The following EVX2 variants were observed in gnomAD, a reference collection of about 807,000 sequenced individuals.
The protein encoded by EVX2 is even-skipped homeobox 2.
Under a neutral mutation model 19.2 loss-of-function variants are expected in EVX2, and 10 were observed. The observed-to-expected ratio is 0.52, with a 90% CI of 0.32 to 0.89. EVX2 has a LOEUF of 0.89. Ranked by LOEUF, EVX2 falls within the 40% of genes least tolerant of loss-of-function variation. EVX2 has a pLI of 0.03. For missense variants in EVX2, 710 were observed against 694.9 expected, an observed-to-expected ratio of 1.02 and a Z score of -0.24; for synonymous variants, 354 against 328.4, an observed-to-expected ratio of 1.08 and a Z score of -0.84.
At position 176,080,690 on chromosome 2, in the gene EVX2, G is replaced by T. The variant is rs144229189; in HGVS notation, c.848C>A (p.Pro283Gln). The change falls in exon 3 of 3, where the codon CCG becomes CAG. Residue 283 changes from proline (P) to glutamine (Q), a missense_variant. Physicochemically the swap from Pro to Gln is moderately conservative, Grantham distance 76 (BLOSUM62 -1). Coordinates refer to ENST00000308618, the MANE Select transcript of EVX2 (RefSeq NM_001080458.2). The surrounding 1 kb of genome is among the most constrained non-coding windows in gnomAD (Gnocchi z 7.0). Reference sequence around the variant, plus strand: ...GCCCACGTGCGGGTAGTAGTGCAGCGGCACGTGCGAGTGGAAGGGGTAGGG... The same window carrying T: ...GCCCACGTGCGGGTAGTAGTGCAGCTGCACGTGCGAGTGGAAGGGGTAGGG... Reference protein sequence around the residue: ...SLPYPFHSHVPLHYYPHVGVT... With the variant: ...SLPYPFHSHVQLHYYPHVGVT... 5.7e-5 allele frequency: 92 copies of T among 1,601,970 alleles called. No homozygotes were observed. In the African/African-American group the frequency reaches 8.1e-4, roughly 14 times the overall value.
chr2:176,082,425 G>A lies in EVX2; in HGVS notation c.452C>T (p.Ala151Val). Residue 151 changes from alanine to valine, a missense_variant, in exon 2 of 3, where the codon GCC becomes GTC. Physicochemically the swap from Ala to Val is moderately conservative, Grantham distance 64. Transcript: ENST00000308618. This position sits in a 1 kb window ranked among gnomAD's most constrained non-coding sequence, Gnocchi z 5.2. ...GCCCGACGCCGACGTCGTGGTGCCG[G>A]CAGCCGAGCCGCTCTCTGCGTACCC... ...GKGYAESGSAAGTTTSASGSG... is the reference protein window; with the variant it reads ...GKGYAESGSAVGTTTSASGSG... 6.4e-7 allele frequency: 1 copy of A among 1,565,838 alleles called. No homozygotes were observed. The highest frequency in any genetic ancestry group is 8.6e-7 in the Non-Finnish European group (1 of 1,159,920).
rs1574938108 is a variant in EVX2 at position 176,082,166 on chromosome 2, TG to T, written c.699+11del. 3 of 1,567,860 alleles carry T rather than the reference TG, an allele frequency of 1.9e-6. No individual in the cohort carries two copies. Among genetic ancestry groups the T allele is most frequent in the Non-Finnish European group, 2.6e-6 (3 of 1,157,004 alleles). The stretch of plus-strand genomic sequence containing the variant: ...CGGGGAGGCCAGAGCAGGCATGCAC[TG>T]GAATTGATACCTTGATGGTGGTTTC... On this transcript the variant is annotated intron_variant, in intron 2 of 2. Coordinates refer to ENST00000308618, the MANE Select transcript of EVX2 (RefSeq NM_001080458.2). This position sits in a 1 kb window ranked among gnomAD's most constrained non-coding sequence, Gnocchi z 5.2.
Position 176,083,841 on chromosome 2 carries a change from G to A in EVX2, c.-65C>T, listed in dbSNP as rs928055363. The stretch of plus-strand genomic sequence containing the variant: ...CGTCCTAATGATAGGCTGCGCCTAG[G>A]GCTAATTCTCATTCAGCCCCAGCGA... On this transcript the variant is annotated 5_prime_UTR_variant, in exon 1 of 3. Transcript: ENST00000308618. The surrounding 1 kb of genome is among the most constrained non-coding windows in gnomAD (Gnocchi z 4.4). The A allele has an allele frequency of 2.5e-5, 35 of 1,380,004 alleles. No homozygotes were observed. In the East Asian group the frequency reaches 6.7e-4, roughly 26 times the overall value. 85.5% of individuals were successfully genotyped at this position (1,380,004 alleles called of 1,614,324 possible). A position where few individuals can be genotyped will look rare whatever the true frequency, so the allele number is the denominator to read the frequency against.
chr2:176,082,060 C>G lies in EVX2; in HGVS notation c.699+118G>C, dbSNP rs1332620791. The G allele has an allele frequency of 8.8e-7, 1 of 1,142,520 alleles. No individual in the cohort carries two copies. The highest frequency in any genetic ancestry group is 1.2e-6 in the Non-Finnish European group (1 of 843,192). 70.8% of individuals were successfully genotyped at this position (1,142,520 alleles called of 1,614,324 possible). A position where few individuals can be genotyped will look rare whatever the true frequency, so the allele number is the denominator to read the frequency against. Reference sequence around the variant, plus strand: ...GCCAATTCCTTTGGTGACTACCCCCCGCGGATTTCCAGACCCTTAGCTAAA... The same window carrying G: ...GCCAATTCCTTTGGTGACTACCCCCGGCGGATTTCCAGACCCTTAGCTAAA... On this transcript the variant is annotated intron_variant, in intron 2 of 2. Transcript: ENST00000308618. This position sits in a 1 kb window ranked among gnomAD's most constrained non-coding sequence, Gnocchi z 5.2.
At position 176,083,283 on chromosome 2, in the gene EVX2, G is replaced by T; in HGVS notation, c.427+67C>A. ...GAGAGGGGAAAAGGCACCGGGAAAGGCTGGCGGGGGCCGCGGAGGAGCAAA... is the reference window on the plus strand; with the variant it reads ...GAGAGGGGAAAAGGCACCGGGAAAGTCTGGCGGGGGCCGCGGAGGAGCAAA... On this transcript the variant is annotated intron_variant, in intron 1 of 2. Coordinates refer to ENST00000308618, the MANE Select transcript of EVX2 (RefSeq NM_001080458.2). This position sits in a 1 kb window ranked among gnomAD's most constrained non-coding sequence, Gnocchi z 4.4. 2 of 1,481,506 alleles carry T rather than the reference G, an allele frequency of 1.3e-6. No individual in the cohort carries two copies. Among genetic ancestry groups the T allele is most frequent in the Non-Finnish European group, 1.8e-6 (2 of 1,100,330 alleles). 91.8% of individuals were successfully genotyped at this position (1,481,506 alleles called of 1,614,324 possible). A position where few individuals can be genotyped will look rare whatever the true frequency, so the allele number is the denominator to read the frequency against.
In EVX2 at chr2:176,081,337, G is replaced by A. The variant is rs142837561; in HGVS notation, c.700-499C>T. Among the ~76,000 whole-genome samples, 308 of 152,274 alleles carry A rather than the reference G, an allele frequency of 2.0e-3. No individual in the cohort carries two copies. Among genetic ancestry groups the A allele is most frequent in the Non-Finnish European group, 2.4e-3 (164 of 68,020 alleles). ...CACGGGTCCGATTTTGATATTGAAG[G>A]GATGATTTTGTTGGAATCGTTTGCC... On this transcript the variant is annotated intron_variant, in intron 2 of 2. Coordinates refer to ENST00000308618, the MANE Select transcript of EVX2 (RefSeq NM_001080458.2). The surrounding 1 kb of genome is among the most constrained non-coding windows in gnomAD (Gnocchi z 5.9).
In EVX2 at chr2:176,083,463, T is replaced by C. The variant is rs367856760; in HGVS notation, c.314A>G (p.Tyr105Cys). 5 of 1,614,030 alleles carry C rather than the reference T, an allele frequency of 3.1e-6. No homozygotes were observed. The African/African-American group carries it at 6.7e-5, about 22-fold the overall frequency. Residue 105 changes from tyrosine (Y) to cysteine (C), a missense_variant, in exon 1 of 3, where the codon TAT becomes TGT. Tyr to Cys is a radical substitution (Grantham distance 194). Coordinates refer to ENST00000308618, the MANE Select transcript of EVX2 (RefSeq NM_001080458.2). This position sits in a 1 kb window ranked among gnomAD's most constrained non-coding sequence, Gnocchi z 4.4. ...GTCGGCCTCAGCGGCCGCCTCTGAA[T>C]AATGGCCCGGCTTCTTGCGGCTCTC... Reference protein sequence around the residue: ...AAESRKKPGHYSEAAAEADMS... With the variant: ...AAESRKKPGHCSEAAAEADMS...
chr2:176,080,333 G>A lies in EVX2; in HGVS notation c.1205C>T (p.Ala402Val). Reference protein sequence around the residue: ...CHSSQSAAAAAAAAAAALGSR... With the variant: ...CHSSQSAAAAVAAAAAALGSR... ...ACCCAGGGCTGCGGCAGCTGCTGCC[G>A]CGGCTGCCGCCGCCGACTGACTGCT... is the stretch of plus-strand genomic sequence containing the variant. The change falls in exon 3 of 3, where the codon GCG becomes GTG. Residue 402 changes from alanine to valine, a missense_variant. By Grantham distance (64) the Ala-to-Val change is moderately conservative. Coordinates refer to ENST00000308618, the MANE Select transcript of EVX2 (RefSeq NM_001080458.2). This position sits in a 1 kb window ranked among gnomAD's most constrained non-coding sequence, Gnocchi z 7.0. 7.8e-7 allele frequency: 1 copy of A among 1,278,674 alleles called. No individual in the cohort carries two copies. Among genetic ancestry groups the A allele is most frequent in the South Asian group, 1.9e-5 (1 of 53,010 alleles). The allele number at this position is 1,278,674 out of a possible 1,614,324, so 79.2% of individuals were successfully genotyped here. A position where few individuals can be genotyped will look rare whatever the true frequency, so the allele number is the denominator to read the frequency against.
At position 176,077,601 on chromosome 2, in the gene EVX2, G is replaced by A. The variant is rs375435306; in HGVS notation, c.*2506C>T. 15 of 152,190 alleles carry A rather than the reference G, an allele frequency of 9.9e-5. No homozygotes were observed. The South Asian group carries it at 2.1e-3, about 21-fold the overall frequency. 9.4% of individuals were successfully genotyped at this position (152,190 alleles called of 1,614,324 possible). A position where few individuals can be genotyped will look rare whatever the true frequency, so the allele number is the denominator to read the frequency against. On this transcript the variant is annotated 3_prime_UTR_variant, in exon 3 of 3. Transcript: ENST00000308618. ...ATACATCCAGCAATATTTAAAGCACGAAGACTTTATTTACAATTTTATTTC... is the reference window on the plus strand; with the variant it reads ...ATACATCCAGCAATATTTAAAGCACAAAGACTTTATTTACAATTTTATTTC...
rs868442087 is a variant in EVX2, at chr2:176,080,710, G to T, written c.828C>A (p.Tyr276Ter). The change falls in exon 3 of 3, where the codon TAC becomes TAA. Residue 276 changes from tyrosine (Y) to a stop codon, truncating the protein, a stop_gained. Coordinates refer to ENST00000308618, the MANE Select transcript of EVX2 (RefSeq NM_001080458.2). LOFTEE classifies it low-confidence loss of function (END_TRUNC). This position sits in a 1 kb window ranked among gnomAD's most constrained non-coding sequence, Gnocchi z 7.0. The part of the protein sequence containing the change: ...THAAATGSLP[Y>*]PFHSHVPLHY... ...GCAGCGGCACGTGCGAGTGGAAGGG[G>T]TAGGGCAGGCTTCCGGTGGCGGCCG... The T allele has an allele frequency of 4.4e-6, 7 of 1,606,058 alleles. No individual in the cohort carries two copies. The highest frequency in any genetic ancestry group is 5.9e-6 in the Non-Finnish European group (7 of 1,179,444).
Position 176,083,349 on chromosome 2 carries a change from C to A in EVX2, c.427+1G>T. 1 of 1,581,250 alleles carries A rather than the reference C, an allele frequency of 6.3e-7. No individual in the cohort carries two copies. The highest frequency in any genetic ancestry group is 1.3e-5 in the African/African-American group (1 of 74,180). ...GAGCGCGGTGCGGCCGGCGCGGTTA[C>A]CTTTGCCATTGTTTTCCTTAAGCTG... On this transcript the variant is annotated splice_donor_variant, in intron 1 of 2. Coordinates refer to ENST00000308618, the MANE Select transcript of EVX2 (RefSeq NM_001080458.2). LOFTEE classifies it high-confidence loss of function. This position sits in a 1 kb window ranked among gnomAD's most constrained non-coding sequence, Gnocchi z 4.4.
chr2:176,083,294 C>G lies in EVX2; in HGVS notation c.427+56G>C. 4.7e-6 allele frequency: 7 copies of G among 1,503,610 alleles called. No individual in the cohort carries two copies. Among genetic ancestry groups the G allele is most frequent in the South Asian group, 1.3e-5 (1 of 78,616 alleles). The allele number at this position is 1,503,610 out of a possible 1,614,324, so 93.1% of individuals were successfully genotyped here. ...AGGCACCGGGAAAGGCTGGCGGGGG[C>G]CGCGGAGGAGCAAAGAGGATGGGAC... On this transcript the variant is annotated intron_variant, in intron 1 of 2. Transcript: ENST00000308618. This position sits in a 1 kb window ranked among gnomAD's most constrained non-coding sequence, Gnocchi z 4.4.
In EVX2 at chr2:176,082,121, A is replaced by G; in HGVS notation, c.699+57T>C. The G allele has an allele frequency of 1.4e-6, 2 of 1,465,974 alleles. No individual in the cohort carries two copies. Among genetic ancestry groups the G allele is most frequent in the Non-Finnish European group, 9.0e-7 (1 of 1,112,908 alleles). The allele number at this position is 1,465,974 out of a possible 1,614,324, so 90.8% of individuals were successfully genotyped here. ...CAGAAAGGGGAAAGGGGAAAAAGAA[A>G]CAATCAACCCAGATGCCCCCGGGGA... On this transcript the variant is annotated intron_variant, in intron 2 of 2. Coordinates refer to ENST00000308618, the MANE Select transcript of EVX2 (RefSeq NM_001080458.2). The surrounding 1 kb of genome is among the most constrained non-coding windows in gnomAD (Gnocchi z 5.2).
At position 176,080,092 on chromosome 2, in the gene EVX2, G is replaced by C; in HGVS notation, c.*15C>G. On this transcript the variant is annotated 3_prime_UTR_variant, in exon 3 of 3. Coordinates refer to ENST00000308618, the MANE Select transcript of EVX2 (RefSeq NM_001080458.2). The surrounding 1 kb of genome is among the most constrained non-coding windows in gnomAD (Gnocchi z 7.0). ...TCAGAGAGGCGGGCGCGGCCCCCTG[G>C]CGGTGGCGACGTAGTTATCTGGTGA... 1 of 1,509,646 alleles carries C rather than the reference G, an allele frequency of 6.6e-7. No individual in the cohort carries two copies. Among genetic ancestry groups the C allele is most frequent in the Non-Finnish European group, 8.8e-7 (1 of 1,132,106 alleles). 93.5% of individuals were successfully genotyped at this position (1,509,646 alleles called of 1,614,324 possible). A position where few individuals can be genotyped will look rare whatever the true frequency, so the allele number is the denominator to read the frequency against.
rs1229709125 is a variant in EVX2 at position 176,082,361 on chromosome 2, G to A, written c.516C>T (p.Ser172=). Residue 172 remains serine, a synonymous_variant, in exon 2 of 3, where the codon AGC becomes AGT. Transcript: ENST00000308618. The surrounding 1 kb of genome is among the most constrained non-coding windows in gnomAD (Gnocchi z 5.2). ...LGSLHGGSGG[S]GGSAALGGSG... is the part of the protein sequence containing the mutation. ...AGCCACCCAGCGCCGCGCTCCCGCC[G>A]CTGCCTCCGCTGCCTCCATGCAGGC... The A allele has an allele frequency of 6.2e-7, 1 of 1,602,048 alleles. No homozygotes were observed.
Position 176,080,416 on chromosome 2 carries a change from CGCCGCCGAGGAGGCCGCAGCCGCT to C in EVX2, c.1098_1121del (p.Ala369_Ala376del). 9.3e-7 allele frequency: 1 copy of C among 1,077,014 alleles called. No homozygotes were observed. The highest frequency in any genetic ancestry group is 1.1e-6 in the Non-Finnish European group (1 of 890,628). The allele number at this position is 1,077,014 out of a possible 1,614,324, so 66.7% of individuals were successfully genotyped here. A position where few individuals can be genotyped will look rare whatever the true frequency, so the allele number is the denominator to read the frequency against. ...CGCCGCTGGGGGGCGCGCCGGCCGCCGCCGCCGAGGAGGCCGCAGCCGCTGCGGCTGCCGCGGCTGCCGCGGCAG... is the reference window on the plus strand; with the variant it reads ...CGCCGCTGGGGGGCGCGCCGGCCGCCGCGGCTGCCGCGGCTGCCGCGGCAG... On this transcript the variant is annotated inframe_deletion, in exon 3 of 3. Transcript: ENST00000308618. The surrounding 1 kb of genome is among the most constrained non-coding windows in gnomAD (Gnocchi z 7.0).
chr2:176,080,464 A>C lies in EVX2; in HGVS notation c.1074T>G (p.Ser358=). 1 of 1,199,120 alleles carries C rather than the reference A, an allele frequency of 8.3e-7. No homozygotes were observed. The highest frequency in any genetic ancestry group is 1.0e-6 in the Non-Finnish European group (1 of 969,220). The allele number at this position is 1,199,120 out of a possible 1,614,324, so 74.3% of individuals were successfully genotyped here. A position where few individuals can be genotyped will look rare whatever the true frequency, so the allele number is the denominator to read the frequency against. ...AAAAGLNSAA[S]AAAAAAAAAA... ...CTGCGGCTGCCGCGGCTGCCGCGGCAGAGGCCGCGCTGTTGAGCCCCGCGG... is the reference window on the plus strand; with the variant it reads ...CTGCGGCTGCCGCGGCTGCCGCGGCCGAGGCCGCGCTGTTGAGCCCCGCGG... Residue 358 remains serine, a synonymous_variant, in exon 3 of 3, where the codon TCT becomes TCG. Transcript: ENST00000308618. The surrounding 1 kb of genome is among the most constrained non-coding windows in gnomAD (Gnocchi z 7.0).
In EVX2 at chr2:176,080,864, T is replaced by A; in HGVS notation, c.700-26A>T. 1 of 1,594,956 alleles carries A rather than the reference T, an allele frequency of 6.3e-7. No homozygotes were observed. The highest frequency in any genetic ancestry group is 8.5e-7 in the Non-Finnish European group (1 of 1,171,926). On this transcript the variant is annotated intron_variant, in intron 2 of 2. Coordinates refer to ENST00000308618, the MANE Select transcript of EVX2 (RefSeq NM_001080458.2). This position sits in a 1 kb window ranked among gnomAD's most constrained non-coding sequence, Gnocchi z 7.0. ...CTGCGGGGAGAGACGCGCCGCAGCC[T>A]GGGTTAGGGAGCGCCCCGTGTTCCC...
Position 176,079,984 on chromosome 2 carries a change from C to T in EVX2, c.*123G>A. 5.2e-6 allele frequency: 6 copies of T among 1,163,260 alleles called. No homozygotes were observed. The highest frequency in any genetic ancestry group is 5.5e-6 in the Non-Finnish European group (5 of 908,528). 72.1% of individuals were successfully genotyped at this position (1,163,260 alleles called of 1,614,324 possible). A position where few individuals can be genotyped will look rare whatever the true frequency, so the allele number is the denominator to read the frequency against. Reference sequence around the variant, plus strand: ...GCAGGTTCCCTTCGGCCTCCCGCGCCCCGGGGCGCCCCCTGGCGGCAGCGG... The same window carrying T: ...GCAGGTTCCCTTCGGCCTCCCGCGCTCCGGGGCGCCCCCTGGCGGCAGCGG... On this transcript the variant is annotated 3_prime_UTR_variant, in exon 3 of 3. Coordinates refer to ENST00000308618, the MANE Select transcript of EVX2 (RefSeq NM_001080458.2). This position sits in a 1 kb window ranked among gnomAD's most constrained non-coding sequence, Gnocchi z 4.4.
Sources: allele counts gnomAD v4.1 joint callset (sites outside exome capture counted in the v4.1 genomes callset), GRCh38; gene constraint gnomAD v4.1.1; non-coding constraint Gnocchi (gnomAD v3.1); transcripts MANE v1.5; gene names NCBI Gene and HGNC (gene_info 2026-07-23, HGNC 2026-07-21).